HS3ST5: variants seen among roughly 807,000 people sequenced by gnomAD.
HS3ST5 encodes heparan sulfate glucosamine 3-O-sulfotransferase 5.
Under a neutral mutation model 25.4 loss-of-function variants are expected in HS3ST5, and 10 were observed. The observed-to-expected ratio is 0.39, with a 90% confidence interval of 0.24 to 0.67. The LOEUF (loss-of-function observed/expected upper bound fraction) is 0.67, where lower values mean the gene tolerates loss of function less well. HS3ST5 is among the 30% of genes least tolerant of loss of function. HS3ST5 has a pLI of 0.44. For synonymous variants in HS3ST5, 170 were observed against 162.4 expected, an observed-to-expected ratio of 1.05 and a Z score of -0.36; for missense variants, 324 against 420.7, an observed-to-expected ratio of 0.77 and a Z score of 2.01.
intron 3 of HS3ST5, among the ~76,000 whole-genome samples, chr6:114,135,094 G>A (rs919822639): frequency 6.6e-6 from 1 of 152,322 alleles, no homozygotes; most frequent in Non-Finnish European, 1.5e-5. Flanking sequence ...GACATACAGA[G>A]GCCTAAACTG....
intron 1 of HS3ST5, among the ~76,000 whole-genome samples, chr6:114,274,280 A>T (rs1363845651): frequency 2.0e-5 from 3 of 152,030 alleles, no homozygotes; most frequent in African/African-American, 7.2e-5. Flanking sequence ...AATAGAGAAG[A>T]TATGTGGAGT....
chr6:114,270,281 A>G (rs540909193), intron 1 of HS3ST5, among the ~76,000 whole-genome samples: 341 of 152,326 alleles, frequency 2.2e-3, no homozygotes, highest in Non-Finnish European at 3.8e-3. Context: ...TCTATTGCAA[A>G]TGAAAACATT....
chr6:114,194,736 C>T (rs1249309388), intron 2 of HS3ST5, among the ~76,000 whole-genome samples: 1 of 152,148 alleles, frequency 6.6e-6, no homozygotes. Flanking sequence ...ACATGGGTCC[C>T]ATGGAGAGGC....
chr6:114,267,908 T>C (rs1399713127), intron 1 of HS3ST5, among the ~76,000 whole-genome samples: 5 of 152,218 alleles, frequency 3.3e-5, no homozygotes, highest in Admixed American at 6.5e-5. Context: ...GTTCTAGTTC[T>C]CATGATCCAA....
intron 1 of HS3ST5, chr6:114,252,024 G>C (rs1772687144): frequency 6.6e-6 from 1 of 152,134 alleles, no homozygotes; most frequent in South Asian, 2.1e-4. Flanking sequence ...GGGTAGCTCA[G>C]CATTTGTTGA....
At chr6:114,147,070 C>T (rs929223956) in intron 3 of HS3ST5, among the ~76,000 whole-genome samples, 4 of 152,116 alleles carry the variant, frequency 2.6e-5, no homozygotes, top group African/African-American at 9.7e-5. Context: ...CTGCATTATC[C>T]TATTACTACA....
chr6:114,071,446 C>T (rs1463593810), intron 3 of HS3ST5, among the ~76,000 whole-genome samples: 1 of 152,156 alleles, frequency 6.6e-6, no homozygotes, highest in African/African-American at 2.4e-5. Context: ...TATATGGCAC[C>T]ACAGCAGTCT....
At chr6:114,244,035 C>A (rs72954581) in intron 1 of HS3ST5, among the ~76,000 whole-genome samples, 1 of 152,140 alleles carries the variant, frequency 6.6e-6, no homozygotes, top group South Asian at 2.1e-4. Context: ...AAAGCTCCAA[C>A]AGGGACAGAG....
intron 1 of HS3ST5, among the ~76,000 whole-genome samples, chr6:114,336,239 A>C (rs569343516): frequency 6.6e-6 from 1 of 152,372 alleles, no homozygotes; most frequent in African/African-American, 2.4e-5. Context: ...ATGACACTCA[A>C]TGCTAAGTAT....
chr6:114,329,926 A>G (rs1257894413), intron 1 of HS3ST5, among the ~76,000 whole-genome samples: 1 of 152,220 alleles, frequency 6.6e-6, no homozygotes, highest in Admixed American at 6.5e-5. Context: ...AGTTTTTCAG[A>G]TGGAAATAAT....
rs553213567 is a variant in HS3ST5 at position 114,188,266 on chromosome 6, G to T, written c.-144-19804C>A. ...CACTCTCTCAGGGAAAATTTTTTTGGCCTCCCTCTACACTAAGCCACATCT... is the reference window on the plus strand; with the variant it reads ...CACTCTCTCAGGGAAAATTTTTTTGTCCTCCCTCTACACTAAGCCACATCT... On this transcript the variant is annotated intron_variant, in intron 2 of 4. Coordinates refer to ENST00000312719, the MANE Select transcript of HS3ST5 (RefSeq NM_153612.4). 2.0e-5 allele frequency among the ~76,000 whole-genome samples: 3 copies of T among 147,204 alleles called. No homozygotes were observed. The East Asian group carries it at 6.2e-4, about 31-fold the overall frequency.
intron 3 of HS3ST5, among the ~76,000 whole-genome samples, chr6:114,086,699 T>C (rs1266035777): frequency 6.6e-6 from 1 of 152,226 alleles, no homozygotes; most frequent in Non-Finnish European, 1.5e-5. Flanking sequence ...GCAGGCATAT[T>C]TCCCTATCAC....
At chr6:114,236,430 T>C (rs1332288236) in intron 1 of HS3ST5, among the ~76,000 whole-genome samples, 1 of 152,256 alleles carries the variant, frequency 6.6e-6, no homozygotes, top group Non-Finnish European at 1.5e-5. Context: ...CTCATACTTA[T>C]ATGTTTTTTC....
At chr6:114,326,105 AGTAGGCC>A (rs1388961494) in intron 1 of HS3ST5, among the ~76,000 whole-genome samples, 5 of 151,664 alleles carry the variant, frequency 3.3e-5, no homozygotes, top group Non-Finnish European at 5.9e-5. Flanking sequence ...CTATTAAAAA[AGTAGGCC>A]CACTGGGCCT....
chr6:114,213,338 G>C (rs78132560), intron 2 of HS3ST5, among the ~76,000 whole-genome samples: 1 of 146,904 alleles, frequency 6.8e-6, no homozygotes, highest in Non-Finnish European at 1.5e-5. Context: ...ACAGGATGGC[G>C]GCGGGGGTGG....
chr6:114,329,926 A>T (rs1257894413), intron 1 of HS3ST5, among the ~76,000 whole-genome samples: 1 of 152,220 alleles, frequency 6.6e-6, no homozygotes, highest in African/African-American at 2.4e-5. Context: ...AGTTTTTCAG[A>T]TGGAAATAAT....
At chr6:114,256,400 C>CAA (rs769551664) in intron 1 of HS3ST5, among the ~76,000 whole-genome samples, 5 of 146,962 alleles carry the variant, frequency 3.4e-5, no homozygotes, top group South Asian at 2.2e-4. Context: ...AAAAAAAAAA[C>CAA]AAAAAAAAAC....
In HS3ST5 at chr6:114,127,594, T is replaced by C. The variant is rs575578908; in HGVS notation, c.-33+40757A>G. 5.3e-5 allele frequency among the ~76,000 whole-genome samples: 8 copies of C among 152,212 alleles called. No homozygotes were observed. In the South Asian group the frequency reaches 1.7e-3, roughly 32 times the overall value. ...TAGCAGAGTTTGAGAACTATCAAAA[T>C]TACCTGGGCAAATAACCACAGATAC... On this transcript the variant is annotated intron_variant, in intron 3 of 4. Coordinates refer to ENST00000312719, the MANE Select transcript of HS3ST5 (RefSeq NM_153612.4).
intron 3 of HS3ST5, among the ~76,000 whole-genome samples, chr6:114,129,361 T>C (rs1376354993): frequency 6.8e-6 from 1 of 146,066 alleles, no homozygotes; most frequent in Non-Finnish European, 1.5e-5. Flanking sequence ...GTTCACACCA[T>C]TCTCCTGCCT....
Sources: allele counts gnomAD v4.1 joint callset (sites outside exome capture counted in the v4.1 genomes callset), GRCh38; gene constraint gnomAD v4.1.1; transcripts MANE v1.5; gene names NCBI Gene and HGNC (gene_info 2026-07-23, HGNC 2026-07-21).